The following MAP4K3 variants were observed in gnomAD, a reference collection of about 807,000 sequenced individuals.
MAP4K3 encodes the protein MAPK/ERK kinase kinase kinase 3.
A neutral mutation model predicts 143.5 loss-of-function variants in MAP4K3; 94 were observed. The observed-to-expected ratio is 0.65, with a 90% CI of 0.55 to 0.78. MAP4K3 has a LOEUF of 0.78. Ranked by LOEUF, MAP4K3 falls within the 30% of genes least tolerant of loss-of-function variation. The pLI is 0.00. For synonymous variants in MAP4K3, 416 were observed against 347.2 expected, an observed-to-expected ratio of 1.20 and a Z score of -2.20; for missense variants, 1,077 against 1,068.1, an observed-to-expected ratio of 1.01 and a Z score of -0.12.
rs1682774660 is a variant in MAP4K3, at chr2:39,307,924, A to G, written c.1119+19T>C. 2.0e-6 allele frequency: 3 copies of G among 1,514,944 alleles called. No homozygotes were observed. The highest frequency in any genetic ancestry group is 1.8e-6 in the Non-Finnish European group (2 of 1,127,552). The allele number at this position is 1,514,944 out of a possible 1,614,324, so 93.8% of individuals were successfully genotyped here. ...GACTAAAACAATGCTGACAAAGAAA[A>G]TCAGAAGATGAGAAATACCAGATTA... On this transcript the variant is annotated intron_variant, in intron 15 of 33. Transcript: ENST00000263881.
At chr2:39,355,591 G>T (rs1665589727) in intron 3 of MAP4K3, among the ~76,000 whole-genome samples, 1 of 152,036 alleles carries the variant, frequency 6.6e-6, no homozygotes, top group Non-Finnish European at 1.5e-5. Context: ...TTCCCTTGGA[G>T]GAAGCTTAAA....
At chr2:39,393,307 G>C (rs941225211) in intron 1 of MAP4K3, among the ~76,000 whole-genome samples, 4 of 152,152 alleles carry the variant, frequency 2.6e-5, no homozygotes, top group Non-Finnish European at 5.9e-5. Context: ...TCCAGATTAA[G>C]TACATTATAA....
chr2:39,368,883 A>G (rs2148568593), intron 2 of MAP4K3, among the ~76,000 whole-genome samples: 1 of 152,298 alleles, frequency 6.6e-6, no homozygotes, highest in East Asian at 1.9e-4. Context: ...AAATCAAAAC[A>G]ACAAACCTAT....
At chr2:39,406,024 T>C (rs1026647112) in intron 1 of MAP4K3, among the ~76,000 whole-genome samples, 2 of 151,994 alleles carry the variant, frequency 1.3e-5, no homozygotes, top group Non-Finnish European at 2.9e-5. Context: ...TCCTATCAGA[T>C]AAATTTAACA....
At chr2:39,405,078 G>A (rs754431191) in intron 1 of MAP4K3, among the ~76,000 whole-genome samples, 3 of 152,212 alleles carry the variant, frequency 2.0e-5, no homozygotes, top group Admixed American at 6.5e-5. Flanking sequence ...AGCAAACATA[G>A]GCAGTAACCA....
chr2:39,278,905 C>T (rs1387370867), intron 23 of MAP4K3, among the ~76,000 whole-genome samples: 4 of 152,016 alleles, frequency 2.6e-5, no homozygotes, highest in African/African-American at 7.3e-5. Flanking sequence ...ACTATAAGTA[C>T]TCTAATTTAA....
intron 1 of MAP4K3, among the ~76,000 whole-genome samples, chr2:39,406,458 G>C (rs991902344): frequency 5.3e-5 from 8 of 152,082 alleles, no homozygotes; most frequent in Non-Finnish European, 1.0e-4. Flanking sequence ...CAAAGGTCAA[G>C]GATAAAGAAA....
chr2:39,371,146 C>G (rs138763510), intron 2 of MAP4K3, among the ~76,000 whole-genome samples: 1 of 152,014 alleles, frequency 6.6e-6, no homozygotes, highest in Admixed American at 6.6e-5. Flanking sequence ...GAAAACTACA[C>G]GCCAGAGAAA....
At chr2:39,292,620 G>A (rs953175172) in intron 18 of MAP4K3, among the ~76,000 whole-genome samples, 153 bp downstream of exon 18, 1 of 152,128 alleles carries the variant, frequency 6.6e-6, no homozygotes, top group African/African-American at 2.4e-5. Flanking sequence ...CCAAGTTAAT[G>A]TAACTAGAAT....
Position 39,258,543 on chromosome 2 carries a change from C to G in MAP4K3, c.2353G>C (p.Asp785His). 1 of 1,613,692 alleles carries G rather than the reference C, an allele frequency of 6.2e-7. No homozygotes were observed. Among genetic ancestry groups the G allele is most frequent in the East Asian group, 2.2e-5 (1 of 44,868 alleles). ...NVTHVTQLERDTILVCLDCCI... is the reference protein window; with the variant it reads ...NVTHVTQLERHTILVCLDCCI... ...CAGTCCAAGCATACAAGGATGGTAT[C>G]TCTCTCCAGTTGGGTTACATGAGTA... Residue 785 changes from aspartate (D) to histidine (H), a missense_variant, in exon 30 of 34, where the codon GAT becomes CAT. Transcript: ENST00000263881.
intron 1 of MAP4K3, among the ~76,000 whole-genome samples, chr2:39,393,206 T>C (rs1362164388): frequency 6.6e-6 from 1 of 152,194 alleles, no homozygotes; most frequent in Non-Finnish European, 1.5e-5. Context: ...ACTGAGGACT[T>C]CACCTGTGAA....
intron 2 of MAP4K3, among the ~76,000 whole-genome samples, chr2:39,367,056 AAAC>A (rs1386046556): frequency 6.6e-6 from 1 of 152,268 alleles, no homozygotes; most frequent in Non-Finnish European, 1.5e-5. Flanking sequence ...AGAATGAAGA[AAAC>A]AACCCTTCAA....
intron 1 of MAP4K3, among the ~76,000 whole-genome samples, chr2:39,382,000 G>A (rs2148585198): frequency 6.6e-6 from 1 of 152,294 alleles, no homozygotes; most frequent in South Asian, 2.1e-4. Context: ...GGACTGGTGA[G>A]GAAAATCCTG....
rs139708839 is a variant in MAP4K3, at chr2:39,326,195, T to C, written c.613A>G (p.Ile205Val). 5.6e-6 allele frequency: 9 copies of C among 1,613,832 alleles called. No homozygotes were observed. Among genetic ancestry groups the C allele is most frequent in the Non-Finnish European group, 6.8e-6 (8 of 1,179,866 alleles). ...CDLWAVGITAIELAELQPPMF... is the reference protein window; with the variant it reads ...CDLWAVGITAVELAELQPPMF... The stretch of plus-strand genomic sequence containing the variant: ...GGAGGCTGAAGCTCTGCAAGTTCTA[T>C]GGCAGTGATTCCCACTGCCCAGAGA... The change falls in exon 9 of 34, where the codon ATA becomes GTA. Residue 205 changes from isoleucine to valine, a missense_variant. By Grantham distance (29) the Ile-to-Val change is conservative. Coordinates refer to ENST00000263881, the MANE Select transcript of MAP4K3 (RefSeq NM_003618.4).
intron 4 of MAP4K3, 136 bp from the exon 5 acceptor site, chr2:39,337,717 C>G (rs888104866): frequency 5.5e-6 from 2 of 363,802 alleles, no homozygotes; most frequent in Non-Finnish European, 1.0e-5. Flanking sequence ...GGACTACAGG[C>G]ATGAATTACT....
chr2:39,359,771 T>C (rs1573195948), intron 2 of MAP4K3, among the ~76,000 whole-genome samples: 1 of 152,264 alleles, frequency 6.6e-6, no homozygotes, highest in East Asian at 1.9e-4. Context: ...TTGCACCCTC[T>C]GAGGCAATGG....
intron 16 of MAP4K3, chr2:39,294,100 A>T (rs1266374766): frequency 1.3e-5 from 2 of 152,196 alleles, no homozygotes; most frequent in African/African-American, 4.8e-5. Context: ...TAGGGGAGAT[A>T]AATATAGTTA....
intron 26 of MAP4K3, among the ~76,000 whole-genome samples, chr2:39,270,304 C>CTA (rs1048577726): frequency 6.6e-6 from 1 of 152,166 alleles, no homozygotes. Flanking sequence ...CTATAGTGAT[C>CTA]TATAGACTTG....
chr2:39,404,758 A>C (rs1667049598), intron 1 of MAP4K3, among the ~76,000 whole-genome samples: 2 of 150,730 alleles, frequency 1.3e-5, no homozygotes, highest in Admixed American at 1.3e-4. Context: ...AGTAGCTGGG[A>C]TTATAGGCTT....
Sources: allele counts gnomAD v4.1 joint callset (sites outside exome capture counted in the v4.1 genomes callset), GRCh38; gene constraint gnomAD v4.1.1; transcripts MANE v1.5; gene names NCBI Gene and HGNC (gene_info 2026-07-23, HGNC 2026-07-21).